The following PRKG1 variants were observed in gnomAD, a reference collection of about 807,000 sequenced individuals.
PRKG1 encodes the protein cGMP-dependent protein kinase 1.
Under a neutral mutation model 88.1 loss-of-function variants are expected in PRKG1, and 35 were observed. That is an observed-to-expected ratio of 0.40 (90% CI 0.30 to 0.53). PRKG1 has a LOEUF of 0.53. Ranked by LOEUF, PRKG1 falls within the 20% of genes least tolerant of loss-of-function variation. PRKG1 has a pLI of 0.59. For synonymous variants in PRKG1, 303 were observed against 292.5 expected (o/e 1.04, Z -0.37); for missense variants, 540 against 839.8 (o/e 0.64, Z 4.41).
At chr10:51,893,230 C>T (rs1050534001) in intron 4 of PRKG1, among the ~76,000 whole-genome samples, 1 of 151,968 alleles carries the variant, frequency 6.6e-6, no homozygotes, top group Non-Finnish European at 1.5e-5. Flanking sequence ...CTGTAACAGC[C>T]TTTTATAAGA....
At chr10:51,607,799 A>G (rs370297738) in intron 3 of PRKG1, among the ~76,000 whole-genome samples, 297 of 152,334 alleles carry the variant, frequency 1.9e-3, no homozygotes, top group Non-Finnish European at 3.5e-3. Flanking sequence ...TTTCAATTAG[A>G]GGAGGAGTGT....
intron 5 of PRKG1, among the ~76,000 whole-genome samples, chr10:51,996,274 C>T (rs1844438924): frequency 8.2e-6 from 1 of 122,332 alleles, no homozygotes; most frequent in African/African-American, 3.1e-5. Context: ...GAGATAGCAC[C>T]ATGGCACTCC....
intron 2 of PRKG1, among the ~76,000 whole-genome samples, chr10:51,446,304 TG>T (rs1307629560): frequency 4.7e-4 from 72 of 151,934 alleles, no homozygotes; most frequent in African/African-American, 1.6e-3. Flanking sequence ...ATACATAAAA[TG>T]AGAGAAGTAA....
intron 2 of PRKG1, among the ~76,000 whole-genome samples, chr10:51,371,120 A>C (rs759118524): frequency 6.6e-6 from 1 of 151,922 alleles, no homozygotes; most frequent in Non-Finnish European, 1.5e-5. Context: ...CCAGCTTTGG[A>C]GACAGCCTGA....
At chr10:51,122,677 C>T (rs892547737) in intron 1 of PRKG1, among the ~76,000 whole-genome samples, 1 of 152,150 alleles carries the variant, frequency 6.6e-6, no homozygotes, top group Non-Finnish European at 1.5e-5. Context: ...CAGTGACATC[C>T]AGCAACTGAT....
intron 2 of PRKG1, among the ~76,000 whole-genome samples, chr10:51,395,535 T>C (rs968700709): frequency 3.3e-5 from 5 of 152,200 alleles, no homozygotes; most frequent in African/African-American, 1.2e-4. Context: ...GTAGGAACTC[T>C]GGATTGGCTC....
At chr10:51,987,625 G>C (rs1024543934) in intron 5 of PRKG1, among the ~76,000 whole-genome samples, 1 of 151,944 alleles carries the variant, frequency 6.6e-6, no homozygotes, top group Non-Finnish European at 1.5e-5. Context: ...GTAAAAAAAT[G>C]TATTCTATAA....
At chr10:51,399,635 T>G (rs12773412) in intron 2 of PRKG1, among the ~76,000 whole-genome samples, 52,084 of 152,012 alleles carry the variant, frequency 0.34, 9,716 homozygotes, top group Middle Eastern at 0.44. Flanking sequence ...TTCTCATCAC[T>G]GTTTTTCTTA....
At chr10:51,334,081 G>A (rs910256534) in intron 2 of PRKG1, among the ~76,000 whole-genome samples, 2 of 150,626 alleles carry the variant, frequency 1.3e-5, no homozygotes, top group Non-Finnish European at 3.0e-5. Flanking sequence ...CTTGCCTCTG[G>A]TCTTCTTCCC....
intron 9 of PRKG1, among the ~76,000 whole-genome samples, chr10:52,250,490 A>G (rs2132398796): frequency 6.6e-6 from 1 of 152,308 alleles, no homozygotes; most frequent in South Asian, 2.1e-4. Context: ...AAACATACCC[A>G]TGGCTGATTC....
chr10:51,726,700 C>T (rs532349002), intron 3 of PRKG1, among the ~76,000 whole-genome samples: 1 of 152,318 alleles, frequency 6.6e-6, no homozygotes, highest in Non-Finnish European at 1.5e-5. Flanking sequence ...GTTAACGTAA[C>T]TGGGTATATA....
At chr10:51,229,844 T>C (rs1263584608) in intron 2 of PRKG1, among the ~76,000 whole-genome samples, 1 of 144,634 alleles carries the variant, frequency 6.9e-6, no homozygotes, top group Non-Finnish European at 1.5e-5. Flanking sequence ...GGAGGATTGC[T>C]GGAGCCCAGG....
intron 2 of PRKG1, among the ~76,000 whole-genome samples, chr10:51,260,806 A>T (rs1483509034): frequency 6.6e-6 from 1 of 152,236 alleles, no homozygotes; most frequent in Non-Finnish European, 1.5e-5. Flanking sequence ...AATTTTAAAA[A>T]ATGGTTTAGG....
intron 9 of PRKG1, among the ~76,000 whole-genome samples, chr10:52,214,721 C>T (rs550437021): frequency 3.5e-4 from 53 of 152,156 alleles, no homozygotes; most frequent in African/African-American, 1.0e-3. Flanking sequence ...GATTACACAG[C>T]GAAGTTCCAT....
intron 9 of PRKG1, among the ~76,000 whole-genome samples, chr10:52,244,792 A>AAATATATATTTAGATATATTTT (rs1840970826): frequency 6.9e-6 from 1 of 144,670 alleles, no homozygotes; most frequent in Non-Finnish European, 1.5e-5. Context: ...ATATATATTT[A>AAATATATATTTAGATATATTTT]AATATATATT....
Position 51,381,256 on chromosome 10 carries a change from T to TAAAAAAAAAAAAAAAAAA in PRKG1, c.479-86440_479-86423dup, listed in dbSNP as rs71029366. The stretch of plus-strand genomic sequence containing the variant: ...TGGGCAACAGAGCAAGCCTCCATCT[T>TAAAAAAAAAAAAAAAAAA]AAAAAAAAAAAAAAAAAAAAAAAAA... On this transcript the variant is annotated intron_variant, in intron 2 of 17. Coordinates refer to ENST00000373980, the MANE Select transcript of PRKG1 (RefSeq NM_006258.4). 6.9e-4 allele frequency among the ~76,000 whole-genome samples: 22 copies of TAAAAAAAAAAAAAAAAAA among 32,056 alleles called. 2 individuals carry two copies. Among genetic ancestry groups the TAAAAAAAAAAAAAAAAAA allele is most frequent in the Non-Finnish European group, 9.6e-4 (16 of 16,730 alleles). 21.0% of individuals were successfully genotyped at this position (32,056 alleles called of 152,430 possible).
chr10:52,097,415 T>A (rs1002470837), intron 7 of PRKG1, among the ~76,000 whole-genome samples: 1 of 152,160 alleles, frequency 6.6e-6, no homozygotes, highest in Non-Finnish European at 1.5e-5. Flanking sequence ...TTGCATTTTT[T>A]ATTAATATAT....
intron 8 of PRKG1, among the ~76,000 whole-genome samples, chr10:52,156,281 T>C (rs574745908): frequency 1.2e-4 from 19 of 152,114 alleles, no homozygotes; most frequent in African/African-American, 4.1e-4. Context: ...TTTGAGTAGA[T>C]GAAATTATTT....
chr10:51,200,400 G>A (rs140538161), intron 2 of PRKG1, among the ~76,000 whole-genome samples: 1 of 152,126 alleles, frequency 6.6e-6, no homozygotes, highest in Non-Finnish European at 1.5e-5. Flanking sequence ...GTAGACAGGA[G>A]GCAGATTATG....
Sources: allele counts gnomAD v4.1 joint callset (sites outside exome capture counted in the v4.1 genomes callset), GRCh38; gene constraint gnomAD v4.1.1; transcripts MANE v1.5; gene names NCBI Gene and HGNC (gene_info 2026-07-23, HGNC 2026-07-21).